Variants in MAP2K1 observed in about 807,000 individuals in gnomAD.
MAP2K1 encodes the protein dual specificity mitogen-activated protein kinase kinase 1.
A neutral mutation model predicts 46.3 loss-of-function variants in MAP2K1; 16 were observed. The observed-to-expected ratio is 0.35, with a 90% CI of 0.23 to 0.52. MAP2K1 has a LOEUF of 0.52. Ranked by LOEUF, MAP2K1 falls within the 20% of genes least tolerant of loss-of-function variation. The probability of loss-of-function intolerance (pLI) is 0.94; values close to 1 mark genes in which losing one functional copy is unlikely to be tolerated. For synonymous variants in MAP2K1, 183 were observed against 185.6 expected (o/e 0.99, Z 0.11); for missense variants, 263 against 497.1 (o/e 0.53, Z 4.48).
At chr15:66,430,005 C>T (rs35047727) in intron 1 of MAP2K1, among the ~76,000 whole-genome samples, 8,555 of 152,218 alleles carry the variant, frequency 0.056, 347 homozygotes, top group Middle Eastern at 0.11. Context: ...CTTTTCCCTT[C>T]CCTCCTCTCC....
rs1433307455 is a variant in MAP2K1 at position 66,491,426 on chromosome 15, T to G, written c.*811T>G. 8.7e-6 allele frequency: 2 copies of G among 228,644 alleles called. No individual in the cohort carries two copies. The highest frequency in any genetic ancestry group is 1.7e-5 in the Non-Finnish European group (2 of 115,272). The allele number at this position is 228,644 out of a possible 1,614,324, so 14.2% of individuals were successfully genotyped here. ...AGTACCAATGCTGTTGTAAACAACG[T>G]GTATAGTGCCTAAAATTGTATGAAA... is the stretch of plus-strand genomic sequence containing the variant. On this transcript the variant is annotated 3_prime_UTR_variant, in exon 11 of 11. Coordinates refer to ENST00000307102, the MANE Select transcript of MAP2K1 (RefSeq NM_002755.4).
chr15:66,413,003 C>A (rs1369435821), intron 1 of MAP2K1, among the ~76,000 whole-genome samples: 1 of 152,124 alleles, frequency 6.6e-6, no homozygotes, highest in East Asian at 1.9e-4. Context: ...TCAAGCAATT[C>A]TCGTGCCTCA....
chr15:66,388,445 C>G (rs769514576), intron 1 of MAP2K1, among the ~76,000 whole-genome samples: 28 of 152,184 alleles, frequency 1.8e-4, no homozygotes, highest in Non-Finnish European at 2.6e-4. Context: ...CTGCACACTG[C>G]AGACTTTAGG....
chr15:66,418,846 A>G (rs1009576133), intron 1 of MAP2K1, among the ~76,000 whole-genome samples: 8 of 149,074 alleles, frequency 5.4e-5, no homozygotes, highest in Non-Finnish European at 8.9e-5. Context: ...GAGGGTTTCA[A>G]TGTGTTAGCC....
intron 5 of MAP2K1, among the ~76,000 whole-genome samples, chr15:66,467,851 G>A (rs752327701): frequency 2.6e-5 from 4 of 152,310 alleles, no homozygotes; most frequent in East Asian, 3.9e-4. Flanking sequence ...ATGCGCCACC[G>A]CGCCCGGTGG....
Position 66,443,875 on chromosome 15 carries a change from A to T in MAP2K1, c.516+518A>T, listed in dbSNP as rs1420005409. On this transcript the variant is annotated intron_variant, in intron 4 of 10. Transcript: ENST00000307102. ...AGAGTGAGACCCTGTCTCAAAACAA[A>T]ACAACTCTTTATACCATGTAAAAAG... is the stretch of plus-strand genomic sequence containing the variant. Among the ~76,000 whole-genome samples the T allele has an allele frequency of 2.0e-5, 3 of 152,280 alleles. No homozygotes were observed. The East Asian group carries it at 5.8e-4, about 29-fold the overall frequency.
rs67497290 is a variant in MAP2K1, at chr15:66,413,927, T to TC, written c.81-21098dup. 1.1e-3 allele frequency among the ~76,000 whole-genome samples: 166 copies of TC among 149,936 alleles called. 1 individual carries two copies. The highest frequency in any genetic ancestry group is 3.6e-3 in the African/African-American group (148 of 41,026). ...CTTCTTCTTCTTTTTTTTTTTTTTT[T>TC]CCTGTAACCTTATTTATGGTGAAGG... is the stretch of plus-strand genomic sequence containing the variant. On this transcript the variant is annotated intron_variant, in intron 1 of 10. Transcript: ENST00000307102.
chr15:66,484,858 C>G lies in MAP2K1; in HGVS notation c.694-132C>G. On this transcript the variant is annotated intron_variant, in intron 6 of 10. Coordinates refer to ENST00000307102, the MANE Select transcript of MAP2K1 (RefSeq NM_002755.4). The stretch of plus-strand genomic sequence containing the variant: ...ACAGTGTTGGGGGTAGGCAGGAGGC[C>G]AAATTCAAGAGGTTAGTGGAGCTCT... 4.3e-5 allele frequency: 37 copies of G among 853,990 alleles called. No individual in the cohort carries two copies. In the South Asian group the frequency reaches 4.4e-4, roughly 10 times the overall value. 52.9% of individuals were successfully genotyped at this position (853,990 alleles called of 1,614,324 possible). A position where few individuals can be genotyped will look rare whatever the true frequency, so the allele number is the denominator to read the frequency against.
intron 1 of MAP2K1, among the ~76,000 whole-genome samples, chr15:66,421,975 C>G (rs2093444869): frequency 6.6e-6 from 1 of 151,394 alleles, no homozygotes; most frequent in Non-Finnish European, 1.5e-5. Context: ...ATATCCTCAA[C>G]TACACAGCTG....
At chr15:66,394,408 T>G (rs1247027584) in intron 1 of MAP2K1, among the ~76,000 whole-genome samples, 1 of 152,098 alleles carries the variant, frequency 6.6e-6, no homozygotes, top group Non-Finnish European at 1.5e-5. Flanking sequence ...TGTGCTTTTT[T>G]TTGTCTCTTA....
At chr15:66,402,155 G>A (rs1224631244) in intron 1 of MAP2K1, among the ~76,000 whole-genome samples, 2 of 152,150 alleles carry the variant, frequency 1.3e-5, no homozygotes, top group African/African-American at 4.8e-5. Flanking sequence ...ATTCAAAAGC[G>A]TGTTTTTTGA....
At chr15:66,427,140 G>T (rs1324910155) in intron 1 of MAP2K1, among the ~76,000 whole-genome samples, 1 of 152,200 alleles carries the variant, frequency 6.6e-6, no homozygotes, top group African/African-American at 2.4e-5. Context: ...GTCAAAATGT[G>T]ATAATAAGTA....
chr15:66,387,495 C>G lies in MAP2K1; in HGVS notation c.80+68C>G, dbSNP rs1016458727. ...AGGCCCGAGCCGGGGAGCAGGAGCG[C>G]GCGCCAGGCTCCGATCTGGTTTGTC... On this transcript the variant is annotated intron_variant, in intron 1 of 10. Transcript: ENST00000307102. 76 of 1,456,746 alleles carry G rather than the reference C, an allele frequency of 5.2e-5. No homozygotes were observed. The East Asian group carries it at 1.8e-3, about 35-fold the overall frequency. 90.2% of individuals were successfully genotyped at this position (1,456,746 alleles called of 1,614,324 possible).
At chr15:66,389,911 G>GT (rs1352733670) in intron 1 of MAP2K1, among the ~76,000 whole-genome samples, 6 of 152,062 alleles carry the variant, frequency 3.9e-5, no homozygotes, top group African/African-American at 1.2e-4. Flanking sequence ...CTTAGGTTTA[G>GT]TTTTTTTCAT....
At chr15:66,433,256 G>C (rs2093479357) in intron 1 of MAP2K1, among the ~76,000 whole-genome samples, 1 of 152,172 alleles carries the variant, frequency 6.6e-6, no homozygotes. Context: ...CCGAACCTTG[G>C]ATGAAAATAT....
At chr15:66,485,292 C>G in intron 7 of MAP2K1, 101 bp downstream of exon 7, 7 of 1,143,960 alleles carry the variant, frequency 6.1e-6, no homozygotes, top group Non-Finnish European at 8.6e-6. Flanking sequence ...TCTGCCAAGA[C>G]TGATTCTCTG....
At chr15:66,443,143 G>A in intron 3 of MAP2K1, 137 bp from the exon 4 acceptor site, 1 of 554,528 alleles carries the variant, frequency 1.8e-6, no homozygotes, top group South Asian at 1.5e-5. Context: ...GCTGAGTGCA[G>A]TGGTGTGATC....
intron 1 of MAP2K1, among the ~76,000 whole-genome samples, chr15:66,393,956 G>T (rs997759406): frequency 6.6e-6 from 1 of 152,012 alleles, no homozygotes; most frequent in African/African-American, 2.4e-5. Flanking sequence ...TCTTTGTAGC[G>T]CTGATCACTA....
At position 66,387,438 on chromosome 15, in the gene MAP2K1, G is replaced by A; in HGVS notation, c.80+11G>A. 1 of 1,553,260 alleles carries A rather than the reference G, an allele frequency of 6.4e-7. No homozygotes were observed. Among genetic ancestry groups the A allele is most frequent in the Non-Finnish European group, 8.7e-7 (1 of 1,147,814 alleles). ...GACCAGCTCTGCGGAGTAAGTATGG[G>A]GCGGGCGGTGAACCTCGGGGCCCGG... On this transcript the variant is annotated intron_variant, in intron 1 of 10. Transcript: ENST00000307102.
Sources: gnomAD v4.1 joint callset for allele counts (sites outside exome capture counted in the v4.1 genomes callset) on GRCh38, gnomAD v4.1.1 for gene constraint, MANE v1.5 for transcripts, NCBI Gene and HGNC (gene_info 2026-07-23, HGNC 2026-07-21) for gene names.